STARD13: variants seen among roughly 807,000 people sequenced by gnomAD.
STARD13 encodes StAR related lipid transfer domain containing 13, also known as stAR-related lipid transfer protein 13.
In STARD13, 62 loss-of-function variants were observed where a neutral mutation model predicts 106.4. The observed-to-expected ratio is 0.58, with a 90% CI of 0.48 to 0.72. The LOEUF is 0.72. Ranked by LOEUF, STARD13 falls within the 30% of genes least tolerant of loss-of-function variation. The probability of loss-of-function intolerance (pLI) is 0.00; values close to 1 mark genes in which losing one functional copy is unlikely to be tolerated. For synonymous variants in STARD13, 565 were observed against 553.0 expected (o/e 1.02, Z -0.31); for missense variants, 1,387 against 1,424.0 (o/e 0.97, Z 0.42).
chr13:33,577,599 A>T, the STARD13 span, among the ~76,000 whole-genome samples: 1 of 152,184 alleles, frequency 6.6e-6, no homozygotes, highest in African/African-American at 2.4e-5. Flanking sequence ...ATCTTTGACA[A>T]GAGTGAAGAC....
the STARD13 span, among the ~76,000 whole-genome samples, chr13:33,393,758 G>T: frequency 1.3e-5 from 2 of 152,134 alleles, no homozygotes; most frequent in Non-Finnish European, 2.9e-5. Context: ...TGACAAAATA[G>T]GAAGTTGTGA....
At chr13:33,201,127 T>C (rs1270056661) in intron 1 of STARD13, among the ~76,000 whole-genome samples, 1 of 152,134 alleles carries the variant, frequency 6.6e-6, no homozygotes, top group East Asian at 1.9e-4. Flanking sequence ...GCAATGTGCT[T>C]CTCTGCACTT....
intron 1 of STARD13, among the ~76,000 whole-genome samples, chr13:33,211,556 T>C (rs1308487500): frequency 6.6e-6 from 1 of 152,120 alleles, no homozygotes; most frequent in East Asian, 1.9e-4. Context: ...TGATTCAAAG[T>C]GGGATAGTAT....
chr13:33,526,973 G>C, the STARD13 span, among the ~76,000 whole-genome samples: 1 of 152,052 alleles, frequency 6.6e-6, no homozygotes, highest in African/African-American at 2.4e-5. Context: ...ATTACAAATG[G>C]GGAGCCCCAG....
chr13:33,341,699 T>G (rs375293224), intron 1 of STARD13, among the ~76,000 whole-genome samples: 21 of 152,342 alleles, frequency 1.4e-4, no homozygotes, highest in African/African-American at 4.8e-4. Flanking sequence ...GTCTTTCTTT[T>G]TTCCAATTCA....
chr13:33,345,537 T>C (rs1345110895), downstream of STARD13, among the ~76,000 whole-genome samples: 1 of 152,154 alleles, frequency 6.6e-6, no homozygotes, highest in Non-Finnish European at 1.5e-5. Flanking sequence ...CCATCATTAT[T>C]GTAATAATGG....
At chr13:33,460,451 A>G in the STARD13 span, among the ~76,000 whole-genome samples, 1 of 151,804 alleles carries the variant, frequency 6.6e-6, no homozygotes, top group Non-Finnish European at 1.5e-5. Flanking sequence ...AGATAGTGCC[A>G]CTGCACTCCA....
In STARD13 at chr13:33,259,201, T is replaced by C. The variant is rs536412747; in HGVS notation, c.169+26269A>G. ...TGCCCAGCATCTAACAGTTGCTGAA[T>C]AAATGTTGAATGAATAAATGCAGGA... On this transcript the variant is annotated intron_variant, in intron 1 of 13. Coordinates refer to ENST00000336934, the MANE Select transcript of STARD13 (RefSeq NM_178006.4). 2.6e-5 allele frequency among the ~76,000 whole-genome samples: 4 copies of C among 152,348 alleles called. No homozygotes were observed. The East Asian group carries it at 5.8e-4, about 22-fold the overall frequency.
the STARD13 span, among the ~76,000 whole-genome samples, chr13:33,404,755 T>A: frequency 6.6e-6 from 1 of 150,736 alleles, no homozygotes; most frequent in Non-Finnish European, 1.5e-5. Flanking sequence ...GGGGAGGATG[T>A]CAGAATCACC....
the STARD13 span, among the ~76,000 whole-genome samples, chr13:33,551,615 T>G: frequency 8.6e-6 from 1 of 115,962 alleles, no homozygotes. Flanking sequence ...TTTTTTTTTT[T>G]TGAGTTGGAG....
chr13:33,594,158 G>A, the STARD13 span, among the ~76,000 whole-genome samples: 1 of 152,048 alleles, frequency 6.6e-6, no homozygotes, highest in Non-Finnish European at 1.5e-5. Flanking sequence ...TCCTGCCTCG[G>A]CCTCCCAAAG....
chr13:33,150,840 A>G (rs775931043), intron 3 of STARD13, among the ~76,000 whole-genome samples: 3 of 152,236 alleles, frequency 2.0e-5, no homozygotes, highest in Non-Finnish European at 2.9e-5. Context: ...TTTAAGAGTG[A>G]AACTTGAGGT....
At position 33,142,290 on chromosome 13, in the gene STARD13, ATTAAGG is replaced by A; in HGVS notation, c.387+14_387+19del. ...CATTCACTGGCATAGCCACATTCTT[ATTAAGG>A]TGTGGGCACCTACCTTTTTCCTTTG... On this transcript the variant is annotated intron_variant, in intron 4 of 13. Transcript: ENST00000336934. The A allele has an allele frequency of 6.2e-7, 1 of 1,605,228 alleles. No individual in the cohort carries two copies.
the STARD13 span, among the ~76,000 whole-genome samples, chr13:33,489,662 A>T: frequency 6.6e-6 from 1 of 152,364 alleles, no homozygotes; most frequent in South Asian, 2.1e-4. Flanking sequence ...GAAGTAATTT[A>T]CTTATCCAGC....
chr13:33,621,337 A>C, the STARD13 span, among the ~76,000 whole-genome samples: 1 of 152,172 alleles, frequency 6.6e-6, no homozygotes, highest in East Asian at 1.9e-4. Flanking sequence ...TAATAGATAA[A>C]ATTAACAAAC....
At chr13:33,375,666 C>T in the STARD13 span, among the ~76,000 whole-genome samples, 3 of 152,116 alleles carry the variant, frequency 2.0e-5, no homozygotes, top group Admixed American at 6.5e-5. Context: ...CATCAGATTT[C>T]GTGAGAACTC....
chr13:33,588,668 A>G, the STARD13 span, among the ~76,000 whole-genome samples: 2 of 152,340 alleles, frequency 1.3e-5, no homozygotes, highest in East Asian at 3.9e-4. Flanking sequence ...GCACTTGGCT[A>G]GAAGTAAGGG....
intron 3 of STARD13, among the ~76,000 whole-genome samples, chr13:33,146,579 G>T (rs1236887775): frequency 6.6e-6 from 1 of 152,128 alleles, no homozygotes; most frequent in African/African-American, 2.4e-5. Flanking sequence ...TGATTTTTTG[G>T]AATATAAATT....
the STARD13 span, among the ~76,000 whole-genome samples, chr13:33,640,889 T>A: frequency 6.6e-6 from 1 of 152,192 alleles, no homozygotes; most frequent in Non-Finnish European, 1.5e-5. Flanking sequence ...TCCCTGAAGT[T>A]CAAAGGTCAC....
Sources: allele counts gnomAD v4.1 joint callset (sites outside exome capture counted in the v4.1 genomes callset), GRCh38; gene constraint gnomAD v4.1.1; transcripts MANE v1.5; gene names NCBI Gene and HGNC (gene_info 2026-07-23, HGNC 2026-07-21).